The following CMTM2 variants were observed in gnomAD, a reference collection of about 807,000 sequenced individuals.
The protein encoded by CMTM2 is CKLF like MARVEL transmembrane domain containing 2, also known as CKLF-like MARVEL transmembrane domain-containing protein 2.
CMTM2 carries 15 observed loss-of-function variants against 16.8 expected under a neutral mutation model. That is an observed-to-expected ratio of 0.89 (90% CI 0.60 to 1.37). The LOEUF is 1.37. Among genes scored for constraint, CMTM2 ranks in the 40% most tolerant of loss-of-function variants. CMTM2 has a pLI of 0.00. For missense variants in CMTM2, 282 were observed against 318.0 expected, an observed-to-expected ratio of 0.89 and a Z score of 0.86; for synonymous variants, 117 against 118.7, an observed-to-expected ratio of 0.99 and a Z score of 0.09.
chr16:66,579,853 C>A lies in CMTM2; in HGVS notation c.246C>A (p.Phe82Leu). 1.9e-6 allele frequency: 3 copies of A among 1,610,660 alleles called. No homozygotes were observed. The highest frequency in any genetic ancestry group is 2.5e-6 in the Non-Finnish European group (3 of 1,178,346). The change falls in exon 1 of 4, where the codon TTC becomes TTA. Residue 82 changes from phenylalanine to leucine, a missense_variant. By Grantham distance (22) the Phe-to-Leu change is conservative (BLOSUM62 0). Transcript: ENST00000268595. The surrounding 1 kb of genome is among the most constrained non-coding windows in gnomAD (Gnocchi z 6.5). Reference protein sequence around the residue: ...RWELKDSNKEFWLLGHAEIKI... With the variant: ...RWELKDSNKELWLLGHAEIKI... ...AATTAAAAGACAGCAATAAAGAGTT[C>A]TGGCTCTTGGGGCACGCTGAGATCA... is the stretch of plus-strand genomic sequence containing the variant.
In CMTM2 at chr16:66,580,203, G is replaced by A. The variant is rs771909732; in HGVS notation, c.444+19G>A. On this transcript the variant is annotated intron_variant, in intron 2 of 3. Coordinates refer to ENST00000268595, the MANE Select transcript of CMTM2 (RefSeq NM_144673.3). ...CATTTCTGTAAGTAAGGGGTGATGG[G>A]GAGTGCCTGCATCCAGAATGCTGAT... 29 of 1,613,592 alleles carry A rather than the reference G, an allele frequency of 1.8e-5. No individual in the cohort carries two copies. The South Asian group carries it at 3.0e-4, about 17-fold the overall frequency.
Position 66,587,932 on chromosome 16 carries a change from C to T in CMTM2, c.560C>T (p.Ala187Val), listed in dbSNP as rs201369806. ...HYLLAVILIG[A>V]AGVFAFIDVC... Reference sequence around the variant, plus strand: ...TTTGTTTTCCAGATCCTTATTGGTGCGGCTGGAGTTTTTGCTTTTATCGAT... The same window carrying T: ...TTTGTTTTCCAGATCCTTATTGGTGTGGCTGGAGTTTTTGCTTTTATCGAT... The change falls in exon 4 of 4, where the codon GCG (alanine) becomes GTG (valine). Residue 187 changes from alanine (A) to valine (V), a missense_variant. Ala to Val is a moderately conservative substitution (Grantham distance 64, BLOSUM62 0). Transcript: ENST00000268595. 33 of 1,614,090 alleles carry T rather than the reference C, an allele frequency of 2.0e-5. No individual in the cohort carries two copies. In the East Asian group the frequency reaches 4.0e-4, roughly 20 times the overall value.
chr16:66,584,317 A>G (rs949306846), intron 2 of CMTM2, among the ~76,000 whole-genome samples: 1 of 152,080 alleles, frequency 6.6e-6, no homozygotes, highest in African/African-American at 2.4e-5. Context: ...TACAGGTGTG[A>G]GCCACCACAC....
chr16:66,584,703 T>C (rs1311999308), intron 2 of CMTM2, among the ~76,000 whole-genome samples: 3 of 152,120 alleles, frequency 2.0e-5, no homozygotes, highest in African/African-American at 4.8e-5. Context: ...AACAGTTGAA[T>C]AGAATATTCA....
At chr16:66,582,288 C>G (rs1359278819) in intron 2 of CMTM2, among the ~76,000 whole-genome samples, 2 of 152,058 alleles carry the variant, frequency 1.3e-5, no homozygotes, top group Admixed American at 1.3e-4. Context: ...AAAAACAGAT[C>G]AGACATAGCT....
intron 2 of CMTM2, 105 bp downstream of exon 2, chr16:66,580,289 C>T: frequency 7.9e-7 from 1 of 1,273,328 alleles, no homozygotes; most frequent in South Asian, 1.3e-5. Flanking sequence ...CCTCCCATAT[C>T]TGTGCCTGGG....
In CMTM2 at chr16:66,588,128, A is replaced by G; in HGVS notation, c.*9A>G. ...CAAAGGGAAAGAAATGACTTGGAGG[A>G]GGCTCCTGGTGTCTGAAACGGCAGT... is the stretch of plus-strand genomic sequence containing the variant. On this transcript the variant is annotated 3_prime_UTR_variant, in exon 4 of 4. Transcript: ENST00000268595. 1 of 1,611,986 alleles carries G rather than the reference A, an allele frequency of 6.2e-7. No individual in the cohort carries two copies. The highest frequency in any genetic ancestry group is 8.5e-7 in the Non-Finnish European group (1 of 1,179,676).
chr16:66,585,239 C>A (rs929769803), intron 2 of CMTM2, among the ~76,000 whole-genome samples: 2 of 152,172 alleles, frequency 1.3e-5, no homozygotes, highest in Non-Finnish European at 2.9e-5. Flanking sequence ...AGCCACTGCG[C>A]CCAGCTTACA....
In CMTM2 at chr16:66,579,640, A is replaced by T; in HGVS notation, c.33A>T (p.Pro11=). The T allele has an allele frequency of 1.2e-6, 2 of 1,614,030 alleles. No individual in the cohort carries two copies. The highest frequency in any genetic ancestry group is 8.5e-7 in the Non-Finnish European group (1 of 1,179,996). Reference sequence around the variant, plus strand: ...CTAAGGCGGCAAAGGGGGCCAAGCCAGAGCCAGCACCAGCTCCACCTCCAC... The same window carrying T: ...CTAAGGCGGCAAAGGGGGCCAAGCCTGAGCCAGCACCAGCTCCACCTCCAC... The part of the protein sequence containing the change: MAPKAAKGAK[P]EPAPAPPPPG... The change falls in exon 1 of 4, where the codon CCA becomes CCT. Residue 11 remains proline (P), a synonymous_variant. Coordinates refer to ENST00000268595, the MANE Select transcript of CMTM2 (RefSeq NM_144673.3). The surrounding 1 kb of genome is among the most constrained non-coding windows in gnomAD (Gnocchi z 6.5).
intron 2 of CMTM2, among the ~76,000 whole-genome samples, chr16:66,586,497 A>G (rs1219321676): frequency 6.6e-6 from 1 of 152,080 alleles, no homozygotes; most frequent in Non-Finnish European, 1.5e-5. Context: ...CAAAAAAAAA[A>G]TTAGGCAGGC....
intron 3 of CMTM2, among the ~76,000 whole-genome samples, chr16:66,587,586 A>C (rs908479168): frequency 1.3e-5 from 2 of 152,008 alleles, no homozygotes; most frequent in South Asian, 2.1e-4. Context: ...TAAAGTAGAC[A>C]GATGTTTCCA....
chr16:66,582,668 C>T (rs2014748954), intron 2 of CMTM2, among the ~76,000 whole-genome samples: 1 of 152,128 alleles, frequency 6.6e-6, no homozygotes, highest in Non-Finnish European at 1.5e-5. Context: ...TGCCACTGCA[C>T]TCCAATCTGA....
intron 2 of CMTM2, among the ~76,000 whole-genome samples, chr16:66,581,299 C>A (rs1274634532): frequency 1.3e-5 from 2 of 151,788 alleles, no homozygotes; most frequent in East Asian, 3.9e-4. Context: ...AAACAAGGAG[C>A]CTGAGAAGAC....
Position 66,588,088 on chromosome 16 carries a change from A to T in CMTM2, c.716A>T (p.Lys239Met). The change falls in exon 4 of 4, where the codon AAG (lysine) becomes ATG (methionine). Residue 239 changes from lysine (K) to methionine (M), a missense_variant. Transcript: ENST00000268595. ...PEPAKPPEPG[K>M]PPGPAKGKK Reference sequence around the variant, plus strand: ...CCCGCCAAGCCACCAGAACCTGGCAAGCCACCAGGGCCAGCAAAGGGAAAG... The same window carrying T: ...CCCGCCAAGCCACCAGAACCTGGCATGCCACCAGGGCCAGCAAAGGGAAAG... The T allele has an allele frequency of 6.2e-7, 1 of 1,613,110 alleles. No individual in the cohort carries two copies. Among genetic ancestry groups the T allele is most frequent in the Non-Finnish European group, 8.5e-7 (1 of 1,180,036 alleles).
rs113992117 is a variant in CMTM2 at position 66,588,128 on chromosome 16, A to C, written c.*9A>C. 6.2e-7 allele frequency: 1 copy of C among 1,611,986 alleles called. No individual in the cohort carries two copies. Among genetic ancestry groups the C allele is most frequent in the Admixed American group, 1.7e-5 (1 of 60,008 alleles). ...CAAAGGGAAAGAAATGACTTGGAGGAGGCTCCTGGTGTCTGAAACGGCAGT... is the reference window on the plus strand; with the variant it reads ...CAAAGGGAAAGAAATGACTTGGAGGCGGCTCCTGGTGTCTGAAACGGCAGT... On this transcript the variant is annotated 3_prime_UTR_variant, in exon 4 of 4. Transcript: ENST00000268595.
chr16:66,587,040 C>T lies in CMTM2; in HGVS notation c.488C>T (p.Ala163Val), dbSNP rs1357479686. 1.2e-6 allele frequency: 2 copies of T among 1,614,014 alleles called. No individual in the cohort carries two copies. Among genetic ancestry groups the T allele is most frequent in the Non-Finnish European group, 1.7e-6 (2 of 1,180,032 alleles). The change falls in exon 3 of 4, where the codon GCC becomes GTC. Residue 163 changes from alanine (A) to valine (V), a missense_variant. Ala to Val is a moderately conservative substitution (Grantham distance 64, BLOSUM62 0). Coordinates refer to ENST00000268595, the MANE Select transcript of CMTM2 (RefSeq NM_144673.3). ...ATTGCTTGTGCGTTCCTTGTGGGAG[C>T]CGTGGTCTTTGCTGTGAGAAGTCGG... ...DLIACAFLVG[A>V]VVFAVRSRRS...
intron 2 of CMTM2, 122 bp downstream of exon 2, chr16:66,580,306 A>G (rs546619196): frequency 9.2e-7 from 1 of 1,090,952 alleles, no homozygotes. Context: ...TGGGTCAGGG[A>G]CTCAGAACAT....
At position 66,579,913 on chromosome 16, in the gene CMTM2, T is replaced by A. The variant is rs375959404; in HGVS notation, c.285+21T>A. On this transcript the variant is annotated intron_variant, in intron 1 of 3. Coordinates refer to ENST00000268595, the MANE Select transcript of CMTM2 (RefSeq NM_144673.3). The surrounding 1 kb of genome is among the most constrained non-coding windows in gnomAD (Gnocchi z 6.5). ...GTTTGGTGAGCTAAACTGGTATCCC[T>A]GGGTGGGGGGCCTTGGCCGAGGGTG... 4.3e-6 allele frequency: 4 copies of A among 934,006 alleles called. No individual in the cohort carries two copies. Among genetic ancestry groups the A allele is most frequent in the Non-Finnish European group, 6.3e-6 (4 of 630,704 alleles). 57.9% of individuals were successfully genotyped at this position (934,006 alleles called of 1,614,324 possible). A position where few individuals can be genotyped will look rare whatever the true frequency, so the allele number is the denominator to read the frequency against.
chr16:66,585,007 C>T (rs180852677), intron 2 of CMTM2, among the ~76,000 whole-genome samples: 163 of 147,872 alleles, frequency 1.1e-3, no homozygotes, highest in African/African-American at 3.9e-3. Context: ...AGTGCAATGG[C>T]GCAATCTCGG....
Sources: allele counts gnomAD v4.1 joint callset (sites outside exome capture counted in the v4.1 genomes callset), GRCh38; gene constraint gnomAD v4.1.1; non-coding constraint Gnocchi (gnomAD v3.1); transcripts MANE v1.5; gene names NCBI Gene and HGNC (gene_info 2026-07-23, HGNC 2026-07-21).